Variants in IGF1R observed in about 807,000 individuals in gnomAD.
IGF1R encodes insulin like growth factor 1 receptor.
IGF1R carries 44 observed loss-of-function variants against 144.6 expected under a neutral mutation model. The observed-to-expected ratio is 0.30, with a 90% CI of 0.24 to 0.39. The LOEUF (loss-of-function observed/expected upper bound fraction) is 0.39, where lower values mean the gene tolerates loss of function less well. Ranked by LOEUF, IGF1R falls within the 10% of genes least tolerant of loss-of-function variation. IGF1R has a pLI of 1.00. For missense variants in IGF1R, 1,355 were observed against 1,833.7 expected, an observed-to-expected ratio of 0.74 and a Z score of 4.77; for synonymous variants, 795 against 722.8, an observed-to-expected ratio of 1.10 and a Z score of -1.60.
chr15:98,895,537 G>C (rs1331567984), intron 3 of IGF1R, among the ~76,000 whole-genome samples: 1 of 152,146 alleles, frequency 6.6e-6, no homozygotes, highest in African/African-American at 2.4e-5. Context: ...TGAATGCAAT[G>C]GTAGAGGAAG....
At chr15:98,883,475 G>A (rs1183400089) in intron 2 of IGF1R, among the ~76,000 whole-genome samples, 1 of 152,234 alleles carries the variant, frequency 6.6e-6, no homozygotes, top group Non-Finnish European at 1.5e-5. Flanking sequence ...CTTGTTTAAA[G>A]AACTTCAAAC....
At chr15:98,948,968 C>T (rs2016663757) in intron 20 of IGF1R, among the ~76,000 whole-genome samples, 1 of 152,202 alleles carries the variant, frequency 6.6e-6, no homozygotes, top group African/African-American at 2.4e-5. Flanking sequence ...GTTTCTCAGG[C>T]CAAATGTCTC....
chr15:98,706,955 T>G (rs1179029833), intron 1 of IGF1R, among the ~76,000 whole-genome samples: 1 of 152,222 alleles, frequency 6.6e-6, no homozygotes, highest in South Asian at 2.1e-4. Flanking sequence ...TGTTAGGTTA[T>G]CCTTTATGTC....
At chr15:98,795,108 C>T (rs1439502253) in intron 2 of IGF1R, among the ~76,000 whole-genome samples, 1 of 136,114 alleles carries the variant, frequency 7.3e-6, no homozygotes, top group African/African-American at 2.8e-5. Context: ...ACATTTAACC[C>T]TCACATCCAT....
intron 2 of IGF1R, among the ~76,000 whole-genome samples, chr15:98,849,109 C>T (rs955707510): frequency 6.6e-6 from 1 of 152,070 alleles, no homozygotes; most frequent in Non-Finnish European, 1.5e-5. Context: ...AAAAACTGAA[C>T]AAGAGCAAGG....
chr15:98,718,933 A>C (rs2054184113), intron 2 of IGF1R, among the ~76,000 whole-genome samples: 1 of 151,896 alleles, frequency 6.6e-6, no homozygotes, highest in Non-Finnish European at 1.5e-5. Context: ...AGAAAAGACC[A>C]GCTTTGTTCC....
At chr15:98,686,127 C>T (rs563891684) in intron 1 of IGF1R, among the ~76,000 whole-genome samples, 11 of 152,320 alleles carry the variant, frequency 7.2e-5, no homozygotes, top group African/African-American at 1.4e-4. Flanking sequence ...TAAGTGGACT[C>T]GTACACTATT....
chr15:98,870,549 A>G (rs192092283), intron 2 of IGF1R, among the ~76,000 whole-genome samples: 3 of 152,314 alleles, frequency 2.0e-5, no homozygotes, highest in Admixed American at 2.0e-4. Flanking sequence ...GCTTCCTTCC[A>G]AGGAAAAGAA....
chr15:98,940,803 G>T (rs1184197128), intron 18 of IGF1R, among the ~76,000 whole-genome samples: 1 of 152,180 alleles, frequency 6.6e-6, no homozygotes, highest in Non-Finnish European at 1.5e-5. Context: ...ACATCCCTCC[G>T]TCATCAGAGT....
Position 98,958,880 on chromosome 15 carries a change from T to C in IGF1R, c.*1438T>C, listed in dbSNP as rs368373122. On this transcript the variant is annotated 3_prime_UTR_variant, in exon 21 of 21. Coordinates refer to ENST00000650285, the MANE Select transcript of IGF1R (RefSeq NM_000875.5). Reference sequence around the variant, plus strand: ...GATACTTCTATCACATAATTTGCCATGAACTGTTGGATGCCTTTTTATAAA... The same window carrying C: ...GATACTTCTATCACATAATTTGCCACGAACTGTTGGATGCCTTTTTATAAA... 10 of 233,602 alleles carry C rather than the reference T, an allele frequency of 4.3e-5. No homozygotes were observed. The highest frequency in any genetic ancestry group is 2.2e-4 in the African/African-American group (10 of 45,458). The allele number at this position is 233,602 out of a possible 1,614,324, so 14.5% of individuals were successfully genotyped here.
At chr15:98,904,532 G>A (rs146059204) in intron 5 of IGF1R, among the ~76,000 whole-genome samples, 220 of 152,292 alleles carry the variant, frequency 1.4e-3, no homozygotes, top group African/African-American at 4.9e-3. Context: ...GGGGGAGAGT[G>A]GACATGATAT....
chr15:98,905,552 T>C (rs2014691656), intron 5 of IGF1R, among the ~76,000 whole-genome samples: 1 of 151,570 alleles, frequency 6.6e-6, no homozygotes. Context: ...TGGTCCCAGC[T>C]ACTTGGGAGG....
intron 2 of IGF1R, among the ~76,000 whole-genome samples, chr15:98,821,768 A>G (rs1469004407): frequency 6.6e-6 from 1 of 152,224 alleles, no homozygotes; most frequent in African/African-American, 2.4e-5. Flanking sequence ...TCAGGAATAG[A>G]GTACCTGGGG....
At chr15:98,815,157 T>C (rs2056669260) in intron 2 of IGF1R, among the ~76,000 whole-genome samples, 1 of 152,192 alleles carries the variant, frequency 6.6e-6, no homozygotes, top group African/African-American at 2.4e-5. Flanking sequence ...TATTCGAAAT[T>C]TAATAAAAAG....
intron 1 of IGF1R, among the ~76,000 whole-genome samples, chr15:98,671,563 T>A (rs1051536043): frequency 6.6e-6 from 1 of 152,222 alleles, no homozygotes; most frequent in Admixed American, 6.5e-5. Flanking sequence ...GCCCTTCTCT[T>A]TTCTCTCAAG....
At chr15:98,723,473 T>C (rs1322684775) in intron 2 of IGF1R, among the ~76,000 whole-genome samples, 1 of 152,222 alleles carries the variant, frequency 6.6e-6, no homozygotes, top group Non-Finnish European at 1.5e-5. Context: ...GAGGGAAATA[T>C]TAAATTGATT....
rs1596446054 is a variant in IGF1R at position 98,916,443 on chromosome 15, G to A, written c.1997-229G>A. On this transcript the variant is annotated intron_variant, in intron 9 of 20. Coordinates refer to ENST00000650285, the MANE Select transcript of IGF1R (RefSeq NM_000875.5). ...TGCCCAGCTAATTTTTGTATTTTTA[G>A]TAGAGACGGGGTTTCACCATGTTGC... 3 of 577,080 alleles carry A rather than the reference G, an allele frequency of 5.2e-6. No individual in the cohort carries two copies. In the East Asian group the frequency reaches 9.1e-5, roughly 18 times the overall value. 35.7% of individuals were successfully genotyped at this position (577,080 alleles called of 1,614,324 possible).
intron 18 of IGF1R, among the ~76,000 whole-genome samples, chr15:98,939,776 C>T (rs982508167): frequency 2.0e-5 from 3 of 152,248 alleles, no homozygotes; most frequent in African/African-American, 7.2e-5. Context: ...CAGGGACCCA[C>T]ATTGGTTTCT....
intron 1 of IGF1R, among the ~76,000 whole-genome samples, chr15:98,702,351 T>G (rs1370397665): frequency 6.6e-6 from 1 of 152,048 alleles, no homozygotes; most frequent in African/African-American, 2.4e-5. Flanking sequence ...TTAATTTAAT[T>G]TTATTATTGT....
Sources: gnomAD v4.1 joint callset for allele counts (sites outside exome capture counted in the v4.1 genomes callset) on GRCh38, gnomAD v4.1.1 for gene constraint, MANE v1.5 for transcripts, NCBI Gene and HGNC (gene_info 2026-07-23, HGNC 2026-07-21) for gene names.